The following FBXO4 variants were observed in gnomAD, a reference collection of about 807,000 sequenced individuals.
The protein encoded by FBXO4 is F-box only protein 4.
In FBXO4, 36 loss-of-function variants were observed where a neutral mutation model predicts 43.7. The observed-to-expected ratio is 0.82, with a 90% CI of 0.63 to 1.09. The LOEUF (loss-of-function observed/expected upper bound fraction) is 1.09. Ranked by LOEUF, FBXO4 falls within the 50% of genes least tolerant of loss-of-function variation. The pLI, the probability that FBXO4 is intolerant of heterozygous loss-of-function variation, is 0.00. For missense variants in FBXO4, 435 were observed against 474.1 expected (o/e 0.92, Z 0.77); for synonymous variants, 180 against 165.6 (o/e 1.09, Z -0.67).
the FBXO4 span, among the ~76,000 whole-genome samples, chr5:41,989,065 G>T: frequency 1.2e-4 from 18 of 152,084 alleles, no homozygotes; most frequent in South Asian, 8.3e-4. Context: ...CACGGTTTCT[G>T]ATCACAGTTG....
At chr5:41,983,404 C>A in the FBXO4 span, among the ~76,000 whole-genome samples, 5 of 148,762 alleles carry the variant, frequency 3.4e-5, no homozygotes, top group Non-Finnish European at 7.4e-5. Flanking sequence ...TTTCTGTCAA[C>A]TTTAGCATTT....
At chr5:42,035,040 C>G in the FBXO4 span, among the ~76,000 whole-genome samples, 1 of 151,494 alleles carries the variant, frequency 6.6e-6, no homozygotes, top group African/African-American at 2.4e-5. Context: ...CTTCCCATCC[C>G]TTTTTAGCTG....
chr5:42,012,829 G>A, the FBXO4 span, among the ~76,000 whole-genome samples: 13 of 152,138 alleles, frequency 8.5e-5, no homozygotes, highest in Non-Finnish European at 1.5e-4. Context: ...TATGATTATT[G>A]CTCCTGTATT....
chr5:41,939,198 G>C, intron 5 of FBXO4: 1 of 342,878 alleles, frequency 2.9e-6, no homozygotes, highest in Non-Finnish European at 5.3e-6. Context: ...CCTACATTTT[G>C]AAAGTAAGCC....
chr5:41,941,208 C>T lies in FBXO4; in HGVS notation c.1091C>T (p.Ala364Val), dbSNP rs777937216. ...NHPWLVQDTE[A>V]ETLTGFLNGI... ...TATTCCGAGGTCCAGGATACAGAGG[C>T]TGAAACTCTGACTGGTTTTTTGAAT... Residue 364 changes from alanine (A) to valine (V), a missense_variant, in exon 7 of 7, where the codon GCT becomes GTT. Ala to Val is a moderately conservative substitution (Grantham distance 64). Coordinates refer to ENST00000281623, the MANE Select transcript of FBXO4 (RefSeq NM_012176.3). 11 of 1,613,542 alleles carry T rather than the reference C, an allele frequency of 6.8e-6. No homozygotes were observed. The highest frequency in any genetic ancestry group is 4.0e-5 in the African/African-American group (3 of 74,906).
chr5:41,931,601 G>T (rs771446713), intron 3 of FBXO4, among the ~76,000 whole-genome samples: 3 of 152,226 alleles, frequency 2.0e-5, no homozygotes, highest in Non-Finnish European at 2.9e-5. Context: ...TATCTGTGGT[G>T]CCAGGCACAT....
the FBXO4 span, among the ~76,000 whole-genome samples, chr5:41,981,500 TA>T: frequency 6.6e-6 from 1 of 151,908 alleles, no homozygotes; most frequent in African/African-American, 2.4e-5. Flanking sequence ...GGAACATTTA[TA>T]TGGAGAAATC....
At chr5:41,992,751 G>A in the FBXO4 span, among the ~76,000 whole-genome samples, 11 of 152,112 alleles carry the variant, frequency 7.2e-5, no homozygotes, top group Non-Finnish European at 1.5e-4. Flanking sequence ...CAATTGATTG[G>A]AAATCTTGAA....
the FBXO4 span, among the ~76,000 whole-genome samples, chr5:41,978,965 G>A: frequency 2.8e-3 from 429 of 152,182 alleles, 1 homozygote; most frequent in African/African-American, 8.9e-3. Context: ...TCTTAAGCAG[G>A]CATCAGCAAT....
downstream of FBXO4, among the ~76,000 whole-genome samples, chr5:41,945,899 A>G (rs912858130): frequency 4.6e-5 from 7 of 152,298 alleles, no homozygotes; most frequent in African/African-American, 1.4e-4. Flanking sequence ...AGGTTATGGA[A>G]AGACTGTGTT....
the FBXO4 span, among the ~76,000 whole-genome samples, chr5:42,003,505 T>C: frequency 6.0e-4 from 91 of 152,348 alleles, 1 homozygote; most frequent in Middle Eastern, 6.8e-3. Flanking sequence ...TTTGGCTTTC[T>C]GTATTTATTT....
chr5:42,006,467 T>A, the FBXO4 span, among the ~76,000 whole-genome samples: 175 of 152,184 alleles, frequency 1.1e-3, 1 homozygote, highest in African/African-American at 4.2e-3. Flanking sequence ...ATAATATATG[T>A]AACATACTAT....
chr5:42,009,104 G>A, the FBXO4 span, among the ~76,000 whole-genome samples: 1 of 152,062 alleles, frequency 6.6e-6, no homozygotes, highest in Non-Finnish European at 1.5e-5. Flanking sequence ...CAATGAGAAG[G>A]GCAACAGAGG....
the FBXO4 span, chr5:41,967,005 GC>G: frequency 4.0e-6 from 1 of 252,902 alleles, no homozygotes; most frequent in South Asian, 4.8e-5. Context: ...ACCCATGAAA[GC>G]TTTCAATAAA....
chr5:42,008,414 C>T, the FBXO4 span, among the ~76,000 whole-genome samples: 1 of 152,082 alleles, frequency 6.6e-6, no homozygotes, highest in Non-Finnish European at 1.5e-5. Context: ...TAAATTTGGG[C>T]AGGCTGTTTG....
the FBXO4 span, among the ~76,000 whole-genome samples, chr5:41,999,494 C>T: frequency 1.6e-4 from 14 of 86,834 alleles, no homozygotes; most frequent in South Asian, 1.4e-3. Context: ...TATATATATA[C>T]ATATATATAT....
rs113745031 is a variant in FBXO4, at chr5:41,925,339, A to T, written c.30A>T (p.Thr10=). The change falls in exon 1 of 7, where the codon ACA becomes ACT. Residue 10 remains threonine, a synonymous_variant. Coordinates refer to ENST00000281623, the MANE Select transcript of FBXO4 (RefSeq NM_012176.3). ...CGGGAAGCGAGCCGCGCAGCGGAAC[A>T]AACTCGCCGCCGCCGCCCTTCAGCG... The part of the protein sequence containing the change: MAGSEPRSG[T]NSPPPPFSDW... 1 of 1,365,418 alleles carries T rather than the reference A, an allele frequency of 7.3e-7. No homozygotes were observed. Among genetic ancestry groups the T allele is most frequent in the Non-Finnish European group, 9.5e-7 (1 of 1,055,420 alleles). The allele number at this position is 1,365,418 out of a possible 1,614,324, so 84.6% of individuals were successfully genotyped here.
At chr5:42,033,978 C>A in the FBXO4 span, among the ~76,000 whole-genome samples, 3 of 152,304 alleles carry the variant, frequency 2.0e-5, no homozygotes, top group South Asian at 4.1e-4. Flanking sequence ...TTCATTACCA[C>A]CAATAGTGTA....
At chr5:42,000,437 G>T in the FBXO4 span, among the ~76,000 whole-genome samples, 8 of 152,176 alleles carry the variant, frequency 5.3e-5, no homozygotes, top group South Asian at 1.5e-3. Context: ...TTTTCATTGT[G>T]TTACTTGTTT....
Sources: allele counts gnomAD v4.1 joint callset (sites outside exome capture counted in the v4.1 genomes callset), GRCh38; gene constraint gnomAD v4.1.1; transcripts MANE v1.5; gene names NCBI Gene and HGNC (gene_info 2026-07-23, HGNC 2026-07-21).